AK5: variants seen among roughly 807,000 people sequenced by gnomAD.
The protein encoded by AK5 is adenylate kinase isoenzyme 5.
A neutral mutation model predicts 69.5 loss-of-function variants in AK5; 27 were observed. That is an observed-to-expected ratio of 0.39 (90% CI 0.29 to 0.54). The LOEUF (loss-of-function observed/expected upper bound fraction) is 0.54, where lower values mean the gene tolerates loss of function less well. AK5 is among the 20% of genes least tolerant of loss of function. AK5 has a pLI of 0.71. For missense variants in AK5, 531 were observed against 700.4 expected (o/e 0.76, Z 2.73); for synonymous variants, 260 against 244.4 (o/e 1.06, Z -0.60).
intron 6 of AK5, among the ~76,000 whole-genome samples, chr1:77,410,370 C>T (rs570544398): frequency 4.6e-5 from 7 of 151,946 alleles, no homozygotes; most frequent in East Asian, 3.9e-4. Context: ...CTCTGCCTCC[C>T]GGGTTCAAGT....
chr1:77,329,733 T>C (rs1424477064), intron 5 of AK5, among the ~76,000 whole-genome samples: 1 of 152,194 alleles, frequency 6.6e-6, no homozygotes, highest in Non-Finnish European at 1.5e-5. Flanking sequence ...TTATCTGGGC[T>C]GGGGATAGCC....
At chr1:77,464,611 G>A (rs76476887) in intron 8 of AK5, among the ~76,000 whole-genome samples, 1,815 of 152,242 alleles carry the variant, frequency 0.012, 37 homozygotes, top group African/African-American at 0.04. Flanking sequence ...AGGGACAGCC[G>A]GGAGGATGTC....
chr1:77,475,330 G>A (rs1324651636), intron 8 of AK5, among the ~76,000 whole-genome samples: 2 of 135,794 alleles, frequency 1.5e-5, no homozygotes, highest in Non-Finnish European at 3.1e-5. Flanking sequence ...AACAAGCTCA[G>A]GGCAAATGTA....
intron 2 of AK5, among the ~76,000 whole-genome samples, chr1:77,293,289 G>A (rs914208634): frequency 1.3e-5 from 2 of 152,100 alleles, no homozygotes; most frequent in African/African-American, 4.8e-5. Flanking sequence ...TTGAATGAAT[G>A]AAATACACAA....
intron 8 of AK5, among the ~76,000 whole-genome samples, chr1:77,481,370 A>T (rs1047735078): frequency 6.6e-6 from 1 of 152,186 alleles, no homozygotes; most frequent in African/African-American, 2.4e-5. Flanking sequence ...AGTGGTGGAG[A>T]GGCTTGTTGA....
At chr1:77,501,950 C>T (rs1656745379) in intron 10 of AK5, among the ~76,000 whole-genome samples, 1 of 152,176 alleles carries the variant, frequency 6.6e-6, no homozygotes, top group African/African-American at 2.4e-5. Context: ...GTTAGTCTAG[C>T]TTAATTCCCT....
At chr1:77,456,238 G>A (rs1459292053) in intron 8 of AK5, among the ~76,000 whole-genome samples, 4 of 152,186 alleles carry the variant, frequency 2.6e-5, no homozygotes, top group African/African-American at 4.8e-5. Flanking sequence ...TACCGCAGTT[G>A]TTTCCTCAGC....
In AK5 at chr1:77,518,246, C is replaced by T. The variant is rs1396655006; in HGVS notation, c.1148-318C>T. On this transcript the variant is annotated intron_variant, in intron 10 of 13. Coordinates refer to ENST00000354567, the MANE Select transcript of AK5 (RefSeq NM_174858.3). ...AGCCAAGTACCCCTCCTCTGTGCCC[C>T]GATAGTAGGCTGTACTCATCTTCAC... Among the ~76,000 whole-genome samples, 5 of 152,236 alleles carry T rather than the reference C, an allele frequency of 3.3e-5. No homozygotes were observed. The South Asian group carries it at 1.0e-3, about 32-fold the overall frequency.
At chr1:77,436,252 AC>A (rs1309579222) in intron 8 of AK5, among the ~76,000 whole-genome samples, 8 of 152,060 alleles carry the variant, frequency 5.3e-5, no homozygotes, top group African/African-American at 1.7e-4. Flanking sequence ...CTTTTTCTCA[AC>A]AAAGAACATA....
At chr1:77,286,612 G>C (rs546331554) in intron 1 of AK5, among the ~76,000 whole-genome samples, 4 of 152,026 alleles carry the variant, frequency 2.6e-5, no homozygotes, top group African/African-American at 9.7e-5. Flanking sequence ...TTTGGAAGGC[G>C]GAGGTAGGTG....
intron 13 of AK5, among the ~76,000 whole-genome samples, chr1:77,544,209 A>G (rs1267087215): frequency 6.6e-6 from 1 of 152,208 alleles, no homozygotes; most frequent in Non-Finnish European, 1.5e-5. Flanking sequence ...TGCTGTATAG[A>G]GTGTTTACCA....
At chr1:77,437,805 C>G (rs1163620451) in intron 8 of AK5, among the ~76,000 whole-genome samples, 1 of 152,016 alleles carries the variant, frequency 6.6e-6, no homozygotes, top group African/African-American at 2.4e-5. Flanking sequence ...TTCCCCTCAG[C>G]TTTTCCTGGC....
At chr1:77,396,170 T>C (rs1330095854) in intron 6 of AK5, among the ~76,000 whole-genome samples, 1 of 152,200 alleles carries the variant, frequency 6.6e-6, no homozygotes, top group Non-Finnish European at 1.5e-5. Flanking sequence ...TAACTACCCA[T>C]AGAGTTGAGT....
chr1:77,442,038 G>A (rs957312294), intron 8 of AK5, among the ~76,000 whole-genome samples: 29 of 152,280 alleles, frequency 1.9e-4, no homozygotes, highest in African/African-American at 6.5e-4. Context: ...ATACTCTGGA[G>A]GTTTTAGCCC....
intron 5 of AK5, among the ~76,000 whole-genome samples, chr1:77,337,835 T>G (rs1661441689): frequency 6.6e-6 from 1 of 152,248 alleles, no homozygotes; most frequent in South Asian, 2.1e-4. Context: ...AGAAGGCAGA[T>G]TCTAGATTCA....
intron 10 of AK5, among the ~76,000 whole-genome samples, chr1:77,496,129 G>T (rs540038727): frequency 9.2e-5 from 14 of 152,160 alleles, no homozygotes; most frequent in Admixed American, 7.9e-4. Flanking sequence ...CTGAAGTAGG[G>T]ATCAGAGTTG....
chr1:77,418,802 T>C (rs930498237), intron 8 of AK5, among the ~76,000 whole-genome samples: 4 of 152,272 alleles, frequency 2.6e-5, no homozygotes, highest in Non-Finnish European at 2.9e-5. Context: ...TGTCCATGTG[T>C]AATGGCTGGC....
chr1:77,368,248 TATATAA>T (rs1647045892), intron 6 of AK5, among the ~76,000 whole-genome samples: 2 of 86,572 alleles, frequency 2.3e-5, no homozygotes, highest in African/African-American at 7.4e-5. Context: ...TATATATATA[TATATAA>T]TATATATGTT....
At chr1:77,333,609 G>A (rs1661203262) in intron 5 of AK5, among the ~76,000 whole-genome samples, 1 of 150,468 alleles carries the variant, frequency 6.6e-6, no homozygotes, top group African/African-American at 2.5e-5. Flanking sequence ...TTCTAGAGCA[G>A]GGGTCAGCAA....
Sources: allele counts gnomAD v4.1 joint callset (sites outside exome capture counted in the v4.1 genomes callset), GRCh38; gene constraint gnomAD v4.1.1; transcripts MANE v1.5; gene names NCBI Gene and HGNC (gene_info 2026-07-23, HGNC 2026-07-21).